The following PHACTR3 variants were observed in gnomAD, a reference collection of about 807,000 sequenced individuals.
PHACTR3 encodes phosphatase and actin regulator 3.
In PHACTR3, 16 loss-of-function variants were observed where a neutral mutation model predicts 66.8. The ratio of observed to expected loss-of-function variants is 0.24; its 90% CI spans 0.16 to 0.36. The LOEUF (loss-of-function observed/expected upper bound fraction) is 0.36, where lower values mean the gene tolerates loss of function less well. PHACTR3 is among the 10% of genes least tolerant of loss of function. The probability of loss-of-function intolerance (pLI) is 1.00; values close to 1 mark genes in which losing one functional copy is unlikely to be tolerated. For missense variants in PHACTR3, 647 were observed against 719.9 expected (o/e 0.90, Z 1.16); for synonymous variants, 323 against 292.1 (o/e 1.11, Z -1.08).
intron 1 of PHACTR3, among the ~76,000 whole-genome samples, chr20:59,695,826 G>A (rs1185430073): frequency 2.6e-5 from 4 of 151,830 alleles, no homozygotes; most frequent in South Asian, 2.1e-4. Flanking sequence ...TCCACCTCTC[G>A]GGTTCAAGCA....
chr20:59,800,740 T>C (rs187391512), intron 7 of PHACTR3, among the ~76,000 whole-genome samples: 18 of 152,266 alleles, frequency 1.2e-4, no homozygotes, highest in Middle Eastern at 3.4e-3. Context: ...CCTTCTTGGG[T>C]GTTGGATGTT....
At chr20:59,654,175 G>A (rs954611882) in intron 1 of PHACTR3, among the ~76,000 whole-genome samples, 2 of 152,128 alleles carry the variant, frequency 1.3e-5, no homozygotes, top group African/African-American at 2.4e-5. Context: ...ATTGGTCACC[G>A]TTGTATATTG....
intron 1 of PHACTR3, among the ~76,000 whole-genome samples, chr20:59,725,512 C>T (rs1482410513): frequency 6.6e-6 from 1 of 152,200 alleles, no homozygotes; most frequent in Non-Finnish European, 1.5e-5. Flanking sequence ...TGGTTTTGCT[C>T]ATGGGTATCA....
At chr20:59,846,264 T>C (rs1568882501) in intron 12 of PHACTR3, among the ~76,000 whole-genome samples, 1 of 152,236 alleles carries the variant, frequency 6.6e-6, no homozygotes, top group African/African-American at 2.4e-5. Flanking sequence ...GTAAGATTAA[T>C]GTGGCTATAG....
chr20:59,749,354 C>T (rs761457589), intron 3 of PHACTR3, among the ~76,000 whole-genome samples: 4 of 152,176 alleles, frequency 2.6e-5, no homozygotes, highest in Non-Finnish European at 5.9e-5. Context: ...TTTGGTTCCT[C>T]TCAAAAATGA....
At position 59,767,209 on chromosome 20, in the gene PHACTR3, G is replaced by C; in HGVS notation, c.565G>C (p.Gly189Arg). 1 of 1,614,230 alleles carries C rather than the reference G, an allele frequency of 6.2e-7. No homozygotes were observed. The highest frequency in any genetic ancestry group is 8.5e-7 in the Non-Finnish European group (1 of 1,180,034). ...DAAKMPSASS[G>R]EEADAGSLLP... is the part of the protein sequence containing the mutation. Reference sequence around the variant, plus strand: ...AGCCAAGATGCCTTCTGCATCCAGTGGTGAAGAAGCAGACGCTGGCAGCCT... The same window carrying C: ...AGCCAAGATGCCTTCTGCATCCAGTCGTGAAGAAGCAGACGCTGGCAGCCT... Residue 189 changes from glycine to arginine, a missense_variant, in exon 5 of 13, where the codon GGT becomes CGT. Transcript: ENST00000371015.
chr20:59,808,330 A>C (rs1307904147), intron 8 of PHACTR3, among the ~76,000 whole-genome samples: 1 of 152,238 alleles, frequency 6.6e-6, no homozygotes, highest in Non-Finnish European at 1.5e-5. Context: ...CCATTCTGGC[A>C]GGGTGGGCCT....
At chr20:59,769,661 G>A (rs184954944) in intron 5 of PHACTR3, among the ~76,000 whole-genome samples, 92 of 152,302 alleles carry the variant, frequency 6.0e-4, no homozygotes, top group African/African-American at 1.6e-3. Flanking sequence ...ACGGCCACAC[G>A]TCTGTGTTCA....
In PHACTR3 at chr20:59,737,660, C is replaced by T. The variant is rs139867968; in HGVS notation, c.119-5447C>T. Reference sequence around the variant, plus strand: ...AGAAATAGTGAGGAGTGCCATCCCACATGGGGTGAGCCAGGACTGTCTAAA... The same window carrying T: ...AGAAATAGTGAGGAGTGCCATCCCATATGGGGTGAGCCAGGACTGTCTAAA... On this transcript the variant is annotated intron_variant, in intron 1 of 12. Transcript: ENST00000371015. Among the ~76,000 whole-genome samples the T allele has an allele frequency of 3.1e-3, 466 of 152,242 alleles. 2 individuals are homozygous for T. The highest frequency in any genetic ancestry group is 0.021 in the East Asian group (111 of 5,182).
chr20:59,757,894 C>T (rs1024135620), intron 4 of PHACTR3, among the ~76,000 whole-genome samples: 24 of 152,272 alleles, frequency 1.6e-4, no homozygotes, highest in African/African-American at 5.5e-4. Flanking sequence ...AGCCTGAGCC[C>T]GGGAGGTCAA....
At chr20:59,602,542 A>G (rs2033510435), upstream of PHACTR3, among the ~76,000 whole-genome samples, 1 of 152,176 alleles carries the variant, frequency 6.6e-6, no homozygotes, top group South Asian at 2.1e-4. Flanking sequence ...ATAGGTTTTA[A>G]ATAGGGAAGG....
At position 59,844,851 on chromosome 20, in the gene PHACTR3, A is replaced by G. The variant is rs2059122783; in HGVS notation, c.1588-338A>G. ...AGGACTTAAAATGTTCCCAACACAT[A>G]GAAATGATAAATACTGGAGGTAGAC... is the stretch of plus-strand genomic sequence containing the variant. On this transcript the variant is annotated intron_variant, in intron 11 of 12. Transcript: ENST00000371015. 3 of 169,468 alleles carry G rather than the reference A, an allele frequency of 1.8e-5. No individual in the cohort carries two copies. In the Admixed American group the frequency reaches 1.9e-4, roughly 11 times the overall value. The allele number at this position is 169,468 out of a possible 1,614,324, so 10.5% of individuals were successfully genotyped here. A position where few individuals can be genotyped will look rare whatever the true frequency, so the allele number is the denominator to read the frequency against.
At chr20:59,828,437 G>A (rs529477812) in intron 8 of PHACTR3, among the ~76,000 whole-genome samples, 4 of 152,278 alleles carry the variant, frequency 2.6e-5, no homozygotes, top group East Asian at 1.9e-4. Flanking sequence ...CTTACCTATC[G>A]GAATATGTGT....
chr20:59,812,715 T>C (rs868605276), intron 8 of PHACTR3, among the ~76,000 whole-genome samples: 4 of 152,208 alleles, frequency 2.6e-5, no homozygotes, highest in African/African-American at 9.7e-5. Context: ...AAATGGTGTT[T>C]GGTAAATTTC....
intron 1 of PHACTR3, among the ~76,000 whole-genome samples, chr20:59,629,718 G>A (rs1051852491): frequency 5.9e-5 from 9 of 152,220 alleles, no homozygotes; most frequent in African/African-American, 1.9e-4. Flanking sequence ...CTCTGGAATT[G>A]GAGCTTAGTG....
chr20:59,781,255 A>G (rs6070946), intron 7 of PHACTR3, among the ~76,000 whole-genome samples: 40,556 of 152,080 alleles, frequency 0.27, 5,913 homozygotes, highest in African/African-American at 0.39. Flanking sequence ...GGAATTAATC[A>G]CCGGGGTCTA....
chr20:59,842,087 G>A (rs2059073678), intron 11 of PHACTR3, among the ~76,000 whole-genome samples: 1 of 152,168 alleles, frequency 6.6e-6, no homozygotes, highest in South Asian at 2.1e-4. Context: ...CTCCTAAGAA[G>A]TCTGAACTGA....
At chr20:59,723,987 T>G (rs2038454545) in intron 1 of PHACTR3, among the ~76,000 whole-genome samples, 1 of 152,124 alleles carries the variant, frequency 6.6e-6, no homozygotes, top group Non-Finnish European at 1.5e-5. Flanking sequence ...CCCCACTGTG[T>G]GTGAAGGCTC....
At position 59,773,392 on chromosome 20, in the gene PHACTR3, C is replaced by T. The variant is rs373371486; in HGVS notation, c.865C>T (p.Pro289Ser). Residue 289 changes from proline to serine, a missense_variant, in exon 6 of 13, where the codon CCC becomes TCC. By Grantham distance (74) the Pro-to-Ser change is moderately conservative. Transcript: ENST00000371015. ...TCTCACCACGGTCCACCGGCCTCTT[C>T]CCCCAAGCCGCGTCATTGAGGAGCT... ...PHLTTVHRPLPPSRVIEELHR... is the reference protein window; with the variant it reads ...PHLTTVHRPLSPSRVIEELHR... 6.2e-7 allele frequency: 1 copy of T among 1,614,066 alleles called. No individual in the cohort carries two copies. The highest frequency in any genetic ancestry group is 8.5e-7 in the Non-Finnish European group (1 of 1,180,058).
Sources: allele counts gnomAD v4.1 joint callset (sites outside exome capture counted in the v4.1 genomes callset), GRCh38; gene constraint gnomAD v4.1.1; transcripts MANE v1.5; gene names NCBI Gene and HGNC (gene_info 2026-07-23, HGNC 2026-07-21).